The following PACRG variants were observed in gnomAD, a reference collection of about 807,000 sequenced individuals.
The protein encoded by PACRG is parkin coregulated.
In PACRG, 29 loss-of-function variants were observed where a neutral mutation model predicts 29.7. That is an observed-to-expected ratio of 0.98 (90% confidence interval 0.73 to 1.33). PACRG has a LOEUF of 1.33. PACRG is among the 40% of genes most tolerant of loss of function. PACRG has a pLI of 0.00. For missense variants in PACRG, 279 were observed against 316.2 expected (o/e 0.88, Z 0.89); for synonymous variants, 116 against 118.7 (o/e 0.98, Z 0.15).
intron 3 of PACRG, among the ~76,000 whole-genome samples, chr6:163,080,630 A>G (rs1812992560): frequency 6.6e-6 from 1 of 152,244 alleles, no homozygotes; most frequent in Non-Finnish European, 1.5e-5. Context: ...TGAATTATGT[A>G]TCTACATTTA....
intron 4 of PACRG, among the ~76,000 whole-genome samples, chr6:163,212,751 A>ATT (rs374972368): frequency 0.014 from 2,115 of 151,742 alleles, 65 homozygotes; most frequent in African/African-American, 0.048. Flanking sequence ...TATAAAGGGA[A>ATT]GAAGAGTAAC....
intron 2 of PACRG, among the ~76,000 whole-genome samples, chr6:162,983,705 G>T (rs1802628250): frequency 6.6e-6 from 1 of 152,000 alleles, no homozygotes; most frequent in South Asian, 2.1e-4. Flanking sequence ...TTCCCTTAGA[G>T]GTTACCTATG....
At chr6:162,810,198 A>G (rs936822531) in intron 1 of PACRG, among the ~76,000 whole-genome samples, 3 of 152,138 alleles carry the variant, frequency 2.0e-5, no homozygotes, top group Non-Finnish European at 4.4e-5. Flanking sequence ...CTCTGGGGTC[A>G]CCCAGTATTA....
intron 2 of PACRG, among the ~76,000 whole-genome samples, chr6:162,881,407 G>A (rs182176560): frequency 1.3e-5 from 2 of 152,220 alleles, no homozygotes; most frequent in East Asian, 1.9e-4. Context: ...CAATCCGGTG[G>A]GAAATTTAAA....
intron 4 of PACRG, among the ~76,000 whole-genome samples, chr6:163,288,654 A>G (rs897833434): frequency 4.6e-5 from 7 of 152,238 alleles, no homozygotes; most frequent in East Asian, 1.9e-4. Flanking sequence ...GTTTCAGCAT[A>G]AAATGTGCTC....
intron 1 of PACRG, among the ~76,000 whole-genome samples, chr6:162,806,794 G>A (rs186051804): frequency 5.6e-4 from 85 of 152,262 alleles, no homozygotes; most frequent in African/African-American, 1.1e-3. Context: ...CACCAGCTGC[G>A]TTAGCCCCTA....
chr6:163,306,422 T>C (rs1290513330), intron 4 of PACRG, among the ~76,000 whole-genome samples: 5 of 152,246 alleles, frequency 3.3e-5, no homozygotes, highest in Admixed American at 3.3e-4. Flanking sequence ...TGAACCCACC[T>C]ATTTTTCTTA....
intron 2 of PACRG, among the ~76,000 whole-genome samples, chr6:162,986,238 G>T (rs191498589): frequency 6.6e-6 from 1 of 152,040 alleles, no homozygotes; most frequent in Non-Finnish European, 1.5e-5. Flanking sequence ...AACCAAAAAA[G>T]ATCCCACATA....
chr6:163,287,761 G>A (rs1347342913), intron 4 of PACRG, among the ~76,000 whole-genome samples: 1 of 152,162 alleles, frequency 6.6e-6, no homozygotes, highest in Non-Finnish European at 1.5e-5. Context: ...ATAATTGAAC[G>A]AGGAACCGGG....
At chr6:162,760,254 G>A (rs1419081157) in intron 1 of PACRG, among the ~76,000 whole-genome samples, 1 of 152,148 alleles carries the variant, frequency 6.6e-6, no homozygotes, top group Non-Finnish European at 1.5e-5. Flanking sequence ...ACACACAGGA[G>A]TCCCTGGGAT....
chr6:163,141,491 A>G (rs1259019866), intron 4 of PACRG, among the ~76,000 whole-genome samples: 2 of 151,624 alleles, frequency 1.3e-5, no homozygotes, highest in East Asian at 3.9e-4. Context: ...CAACAATGGC[A>G]GGATGTCAGA....
intron 2 of PACRG, among the ~76,000 whole-genome samples, chr6:163,053,764 A>G (rs1255167131): frequency 1.3e-5 from 2 of 152,180 alleles, no homozygotes; most frequent in Non-Finnish European, 2.9e-5. Context: ...GTCAGTGTTA[A>G]ACAGCCGACC....
rs371571625 is a variant in PACRG, at chr6:162,975,413, C to T, written c.292-86737C>T. ...GTATTGCAATAAGTACTAGAGAATG[C>T]GACAAGAAAATTAATCATCTGCTCT... On this transcript the variant is annotated intron_variant, in intron 2 of 4. Coordinates refer to ENST00000366888, the MANE Select transcript of PACRG (RefSeq NM_001080379.2). 1.2e-4 allele frequency among the ~76,000 whole-genome samples: 18 copies of T among 152,216 alleles called. No homozygotes were observed. In the East Asian group the frequency reaches 2.5e-3, roughly 21 times the overall value.
chr6:163,028,429 G>A (rs961602276), intron 2 of PACRG, among the ~76,000 whole-genome samples: 1 of 152,024 alleles, frequency 6.6e-6, no homozygotes, highest in African/African-American at 2.4e-5. Flanking sequence ...TCAAATTCAG[G>A]TTCTAACACA....
chr6:163,269,974 A>AGAAG (rs1783752415), intron 4 of PACRG, among the ~76,000 whole-genome samples: 1 of 100,130 alleles, frequency 1.0e-5, no homozygotes, highest in Non-Finnish European at 2.1e-5. Flanking sequence ...AAAGAAAGAA[A>AGAAG]GAAAGAAAGA....
chr6:162,757,108 T>TTTTACTATA (rs1273427385), intron 1 of PACRG, among the ~76,000 whole-genome samples: 8 of 152,174 alleles, frequency 5.3e-5, no homozygotes, highest in Non-Finnish European at 8.8e-5. Flanking sequence ...TTTGTTATAG[T>TTTTACTATA]TTTACTTTAT....
chr6:163,258,618 A>G (rs1219668626), intron 4 of PACRG, among the ~76,000 whole-genome samples: 4 of 151,996 alleles, frequency 2.6e-5, no homozygotes, highest in Admixed American at 1.3e-4. Flanking sequence ...TTAGCCGGCA[A>G]TGGTGGCAGG....
chr6:162,782,607 T>C (rs1249288314), intron 1 of PACRG, among the ~76,000 whole-genome samples: 1 of 151,840 alleles, frequency 6.6e-6, no homozygotes, highest in Non-Finnish European at 1.5e-5. Context: ...AAAATAATTA[T>C]AGAAATGATT....
chr6:163,067,558 T>C (rs1811667151), intron 3 of PACRG, among the ~76,000 whole-genome samples: 1 of 152,206 alleles, frequency 6.6e-6, no homozygotes, highest in Non-Finnish European at 1.5e-5. Flanking sequence ...AGTAAGGCAA[T>C]CTTTTTTTAA....
Sources: allele counts gnomAD v4.1 joint callset (sites outside exome capture counted in the v4.1 genomes callset), GRCh38; gene constraint gnomAD v4.1.1; transcripts MANE v1.5; gene names NCBI Gene and HGNC (gene_info 2026-07-23, HGNC 2026-07-21).